The following ERN1 variants were observed in gnomAD, a reference collection of about 807,000 sequenced individuals.
The protein encoded by ERN1 is endoplasmic reticulum to nucleus signaling 1.
Under a neutral mutation model 113.1 loss-of-function variants are expected in ERN1, and 39 were observed. The ratio of observed to expected loss-of-function variants is 0.34; its 90% CI spans 0.27 to 0.45. The LOEUF (loss-of-function observed/expected upper bound fraction) is 0.45, where lower values mean the gene tolerates loss of function less well. Ranked by LOEUF, ERN1 falls within the 20% of genes least tolerant of loss-of-function variation. The probability of loss-of-function intolerance (pLI) is 1.00; values close to 1 mark genes in which losing one functional copy is unlikely to be tolerated. For missense variants in ERN1, 976 were observed against 1,274.8 expected (o/e 0.77, Z 3.57); for synonymous variants, 507 against 515.9 (o/e 0.98, Z 0.23).
In ERN1 at chr17:64,098,000, C is replaced by T. The variant is rs1303944684; in HGVS notation, c.175+121G>A. On this transcript the variant is annotated intron_variant, in intron 2 of 21. Coordinates refer to ENST00000433197, the MANE Select transcript of ERN1 (RefSeq NM_001433.5). ...TGCCTTTTCCTCTCTTGATCCCATT[C>T]TTCTTTATTTCTTATTTATTTTATT... 5.3e-6 allele frequency: 7 copies of T among 1,308,946 alleles called. No homozygotes were observed. In the African/African-American group the frequency reaches 9.0e-5, roughly 17 times the overall value. The allele number at this position is 1,308,946 out of a possible 1,614,324, so 81.1% of individuals were successfully genotyped here. A position where few individuals can be genotyped will look rare whatever the true frequency, so the allele number is the denominator to read the frequency against.
chr17:64,055,283 A>C (rs1388800413), intron 13 of ERN1, among the ~76,000 whole-genome samples: 1 of 152,226 alleles, frequency 6.6e-6, no homozygotes, highest in Non-Finnish European at 1.5e-5. Context: ...GCTCTGTGCC[A>C]GTTCCCTCAG....
intron 1 of ERN1, among the ~76,000 whole-genome samples, chr17:64,104,359 G>A (rs1453379323): frequency 3.3e-5 from 5 of 152,192 alleles, no homozygotes; most frequent in Non-Finnish European, 7.3e-5. Context: ...GCAATGGTAA[G>A]TACAGCAGGG....
chr17:64,068,134 C>A, intron 7 of ERN1, 56 bp downstream of exon 7: 1 of 1,246,430 alleles, frequency 8.0e-7, no homozygotes, highest in Non-Finnish European at 1.1e-6. Flanking sequence ...GCCACTGTTT[C>A]CACATAGGTC....
intron 1 of ERN1, among the ~76,000 whole-genome samples, chr17:64,122,426 T>C (rs1227320527): frequency 1.3e-5 from 2 of 152,198 alleles, no homozygotes; most frequent in Non-Finnish European, 2.9e-5. Flanking sequence ...TTGGACTACA[T>C]GGCCGAGAGC....
At position 64,081,341 on chromosome 17, in the gene ERN1, C is replaced by A. The variant is rs12600530; in HGVS notation, c.176-533G>T. On this transcript the variant is annotated intron_variant, in intron 2 of 21. Transcript: ENST00000433197. Reference sequence around the variant, plus strand: ...CCTCCAAGTGTTCATTCCCTTTGGCCCCCCCATTGCATTTTTATAAAATCT... The same window carrying A: ...CCTCCAAGTGTTCATTCCCTTTGGCACCCCCATTGCATTTTTATAAAATCT... 1.0e-3 allele frequency among the ~76,000 whole-genome samples: 152 copies of A among 152,146 alleles called. 2 individuals are homozygous for A. The East Asian group carries it at 0.029, about 29-fold the overall frequency.
At chr17:64,055,136 T>A (rs181421975) in intron 13 of ERN1, among the ~76,000 whole-genome samples, 1 of 152,240 alleles carries the variant, frequency 6.6e-6, no homozygotes, top group Non-Finnish European at 1.5e-5. Flanking sequence ...CATTGTGATA[T>A]AGTTAGAATG....
At chr17:64,090,784 G>GGGTGCA (rs1567876816) in intron 2 of ERN1, among the ~76,000 whole-genome samples, 1 of 152,154 alleles carries the variant, frequency 6.6e-6, no homozygotes, top group African/African-American at 2.4e-5. Context: ...AAGTGAGTGG[G>GGGTGCA]GGTGCAGGTG....
intron 12 of ERN1, among the ~76,000 whole-genome samples, chr17:64,056,526 C>T (rs1341728538): frequency 6.6e-6 from 1 of 152,210 alleles, no homozygotes; most frequent in Non-Finnish European, 1.5e-5. Flanking sequence ...GGCTGAGGTC[C>T]TGCTTCCGCC....
chr17:64,091,288 G>A (rs147869002), intron 2 of ERN1, among the ~76,000 whole-genome samples: 117 of 152,272 alleles, frequency 7.7e-4, no homozygotes, highest in East Asian at 5.6e-3. Flanking sequence ...AACCAGAACC[G>A]GAAACTGTCA....
chr17:64,063,975 C>T lies in ERN1; in HGVS notation c.1087+11G>A, dbSNP rs976414974. Reference sequence around the variant, plus strand: ...TGTCACCTCAGGCTACTGTGGGAGACCTGCTCTTACCTATCAGAAGCCAGT... The same window carrying T: ...TGTCACCTCAGGCTACTGTGGGAGATCTGCTCTTACCTATCAGAAGCCAGT... On this transcript the variant is annotated intron_variant, in intron 10 of 21. Transcript: ENST00000433197. The surrounding 1 kb of genome is among the most constrained non-coding windows in gnomAD (Gnocchi z 5.1). 1 of 1,613,170 alleles carries T rather than the reference C, an allele frequency of 6.2e-7. No individual in the cohort carries two copies. Among genetic ancestry groups the T allele is most frequent in the Middle Eastern group, 1.7e-4 (1 of 6,012 alleles).
At chr17:64,056,068 C>G in intron 12 of ERN1, 120 bp from the exon 13 acceptor site, 1 of 1,413,696 alleles carries the variant, frequency 7.1e-7, no homozygotes, top group Non-Finnish European at 9.3e-7. Context: ...CCCAACAGGG[C>G]ACAAAGAGAC....
At chr17:64,098,738 A>G (rs1914301261) in intron 1 of ERN1, among the ~76,000 whole-genome samples, 1 of 152,242 alleles carries the variant, frequency 6.6e-6, no homozygotes, top group South Asian at 2.1e-4. Context: ...AAAATAAAAC[A>G]CTAAGATTCC....
Position 64,041,915 on chromosome 17 carries a change from A to C in ERN1, c.*2073T>G, listed in dbSNP as rs1330487370. 1 of 152,252 alleles carries C rather than the reference A, an allele frequency of 6.6e-6. No individual in the cohort carries two copies. Among genetic ancestry groups the C allele is most frequent in the East Asian group, 1.9e-4 (1 of 5,202 alleles). 9.4% of individuals were successfully genotyped at this position (152,252 alleles called of 1,614,324 possible). Reference sequence around the variant, plus strand: ...GTATGATAAGCAGAAAAGGCATCGGAAACAGTTGTCTCTAGGCAAGTGGGG... The same window carrying C: ...GTATGATAAGCAGAAAAGGCATCGGCAACAGTTGTCTCTAGGCAAGTGGGG... On this transcript the variant is annotated 3_prime_UTR_variant, in exon 22 of 22. Transcript: ENST00000433197.
At chr17:64,098,522 G>A (rs758059949) in intron 1 of ERN1, 1 of 628,680 alleles carries the variant, frequency 1.6e-6, no homozygotes, top group Non-Finnish European at 3.0e-6. Flanking sequence ...CTGAAACAGA[G>A]GGGCAAAGTA....
At chr17:64,059,928 C>T (rs140991700) in intron 11 of ERN1, among the ~76,000 whole-genome samples, 2,523 of 149,422 alleles carry the variant, frequency 0.017, 42 homozygotes, top group African/African-American at 0.045. Flanking sequence ...TGGGCTCAAG[C>T]GATCCTCCTG....
At chr17:64,129,567 C>G in intron 1 of ERN1, 1 of 352,470 alleles carries the variant, frequency 2.8e-6, no homozygotes. Flanking sequence ...TCCTCCGCGG[C>G]CCCCGCCAGG....
chr17:64,057,002 A>G (rs1284169534), intron 12 of ERN1, among the ~76,000 whole-genome samples: 1 of 152,040 alleles, frequency 6.6e-6, no homozygotes, highest in Non-Finnish European at 1.5e-5. Context: ...CCCCTCACAT[A>G]TTTCATCCCA....
chr17:64,058,082 C>T, intron 11 of ERN1, 89 bp from the exon 12 acceptor site: 4 of 1,034,882 alleles, frequency 3.9e-6, no homozygotes, highest in Non-Finnish European at 5.6e-6. Flanking sequence ...TCACTGTTTA[C>T]AAGGATATGA....
At chr17:64,103,221 C>T (rs946512818) in intron 1 of ERN1, among the ~76,000 whole-genome samples, 8 of 152,200 alleles carry the variant, frequency 5.3e-5, no homozygotes, top group Middle Eastern at 3.4e-3. Context: ...TACGGCTGGA[C>T]GTGGTGACTC....
Sources: gnomAD v4.1 joint callset for allele counts (sites outside exome capture counted in the v4.1 genomes callset) on GRCh38, gnomAD v4.1.1 for gene constraint, Gnocchi (gnomAD v3.1) non-coding constraint, MANE v1.5 for transcripts, NCBI Gene and HGNC (gene_info 2026-07-23, HGNC 2026-07-21) for gene names.